The following CD1B variants were observed in gnomAD, a reference collection of about 807,000 sequenced individuals.
The protein encoded by CD1B is CD1b molecule.
A neutral mutation model predicts 39.8 loss-of-function variants in CD1B; 43 were observed. The ratio of observed to expected loss-of-function variants is 1.08; its 90% confidence interval spans 0.85 to 1.39. CD1B has a LOEUF of 1.39. Ranked by LOEUF, CD1B falls within the 40% of genes most tolerant of loss-of-function variation. CD1B has a pLI of 0.00. For missense variants in CD1B, 495 were observed against 403.8 expected (o/e 1.23, Z -1.94); for synonymous variants, 192 against 152.5 (o/e 1.26, Z -1.91).
At chr1:158,317,630 AT>A in the CD1B span, among the ~76,000 whole-genome samples, 1 of 151,982 alleles carries the variant, frequency 6.6e-6, no homozygotes, top group Non-Finnish European at 1.5e-5. Context: ...GGATTCATTA[AT>A]TTTTTGAAGG....
At chr1:158,311,676 T>A in the CD1B span, among the ~76,000 whole-genome samples, 4 of 152,192 alleles carry the variant, frequency 2.6e-5, no homozygotes, top group Non-Finnish European at 5.9e-5. Context: ...ATTTTGTATA[T>A]GGTGAGATAT....
chr1:158,309,362 A>G, the CD1B span, among the ~76,000 whole-genome samples: 2 of 152,160 alleles, frequency 1.3e-5, no homozygotes. Context: ...GAGAAATAGG[A>G]ACACTTTTAC....
chr1:158,300,959 C>A, the CD1B span, among the ~76,000 whole-genome samples: 2 of 151,748 alleles, frequency 1.3e-5, no homozygotes, highest in African/African-American at 4.8e-5. Context: ...GGGGTTTCAC[C>A]ATATTAGCCA....
chr1:158,312,516 G>A, the CD1B span, among the ~76,000 whole-genome samples: 1 of 151,970 alleles, frequency 6.6e-6, no homozygotes, highest in African/African-American at 2.4e-5. Flanking sequence ...AATAATTTTT[G>A]TCCTTTTCAA....
At chr1:158,321,654 G>A in the CD1B span, among the ~76,000 whole-genome samples, 3 of 152,106 alleles carry the variant, frequency 2.0e-5, no homozygotes, top group Non-Finnish European at 4.4e-5. Context: ...TTGATTCACT[G>A]CTGTTTATCT....
chr1:158,292,936 A>G, the CD1B span: 1 of 1,538,710 alleles, frequency 6.5e-7, no homozygotes, highest in South Asian at 1.2e-5. Context: ...AGGGGAGAGG[A>G]AATTTTGAGG....
chr1:158,327,391 A>T (rs1478408807), downstream of CD1B, among the ~76,000 whole-genome samples: 1 of 152,170 alleles, frequency 6.6e-6, no homozygotes, highest in Non-Finnish European at 1.5e-5. Context: ...GGTTTTCTCC[A>T]AAGGAGTTTG....
the CD1B span, chr1:158,293,253 G>C: frequency 6.2e-6 from 10 of 1,614,016 alleles, no homozygotes; most frequent in Non-Finnish European, 8.5e-6. Flanking sequence ...GGTAGTGATA[G>C]TGCCCTTGGT....
the CD1B span, among the ~76,000 whole-genome samples, chr1:158,321,534 C>T: frequency 6.6e-6 from 1 of 152,164 alleles, no homozygotes; most frequent in South Asian, 2.1e-4. Flanking sequence ...TAAGGAGGTA[C>T]TACTGACATT....
At chr1:158,329,152 T>C in intron 4 of CD1B, 138 bp from the exon 5 acceptor site, 1 of 920,046 alleles carries the variant, frequency 1.1e-6, no homozygotes, top group South Asian at 1.7e-5. Flanking sequence ...CATATATCCA[T>C]CCTTTGATCC....
rs1320949989 is a variant in CD1B at position 158,331,497 on chromosome 1, T to C, written c.-74A>G. 5 of 1,195,192 alleles carry C rather than the reference T, an allele frequency of 4.2e-6. No individual in the cohort carries two copies. The Admixed American group carries it at 9.2e-5, about 22-fold the overall frequency. The allele number at this position is 1,195,192 out of a possible 1,614,324, so 74.0% of individuals were successfully genotyped here. A position where few individuals can be genotyped will look rare whatever the true frequency, so the allele number is the denominator to read the frequency against. ...CAATTTCAGCAAAGCTTTTCCTCAG[T>C]ACCCTGTAGTGACTTCTTCTCTCTT... On this transcript the variant is annotated 5_prime_UTR_variant, in exon 1 of 6. Transcript: ENST00000368168.
chr1:158,298,045 C>T, the CD1B span, among the ~76,000 whole-genome samples: 1 of 151,378 alleles, frequency 6.6e-6, no homozygotes, highest in African/African-American at 2.4e-5. Context: ...TAAAGGATGG[C>T]AAAAAATCTG....
the CD1B span, among the ~76,000 whole-genome samples, chr1:158,315,475 A>G: frequency 2.0e-5 from 3 of 151,862 alleles, no homozygotes; most frequent in Non-Finnish European, 2.9e-5. Flanking sequence ...GTGTCTGTTC[A>G]TGTCCTTTGC....
chr1:158,314,778 GTA>G, the CD1B span, among the ~76,000 whole-genome samples: 1 of 151,176 alleles, frequency 6.6e-6, no homozygotes, highest in Non-Finnish European at 1.5e-5. Context: ...CTAGCATTAG[GTA>G]TATCTCCCAA....
At chr1:158,303,299 C>T in the CD1B span, among the ~76,000 whole-genome samples, 1,725 of 152,264 alleles carry the variant, frequency 0.011, 30 homozygotes, top group African/African-American at 0.04. Context: ...TTAGAGGCAT[C>T]TATGACAAAC....
At chr1:158,316,712 G>A in the CD1B span, among the ~76,000 whole-genome samples, 2 of 151,132 alleles carry the variant, frequency 1.3e-5, no homozygotes, top group South Asian at 4.2e-4. Flanking sequence ...GGAGTGGTGA[G>A]AGAGGGCATC....
chr1:158,298,423 C>G, the CD1B span, among the ~76,000 whole-genome samples: 8 of 152,230 alleles, frequency 5.3e-5, 1 homozygote, highest in Admixed American at 2.0e-4. Flanking sequence ...AACGCTCCAC[C>G]CAAAACCAAA....
chr1:158,316,809 C>T, the CD1B span, among the ~76,000 whole-genome samples: 1 of 151,710 alleles, frequency 6.6e-6, no homozygotes, highest in Non-Finnish European at 1.5e-5. Flanking sequence ...ATAGATAGCT[C>T]TTATTATTTT....
chr1:158,313,917 C>A, the CD1B span, among the ~76,000 whole-genome samples: 4 of 152,008 alleles, frequency 2.6e-5, no homozygotes, highest in African/African-American at 9.7e-5. Context: ...CAGGCATTTA[C>A]CTATTTCTTC....
Sources: gnomAD v4.1 joint callset for allele counts (sites outside exome capture counted in the v4.1 genomes callset) on GRCh38, gnomAD v4.1.1 for gene constraint, MANE v1.5 for transcripts, NCBI Gene and HGNC (gene_info 2026-07-23, HGNC 2026-07-21) for gene names.